The following SEMA3F variants were observed in gnomAD, a reference collection of about 807,000 sequenced individuals.
The protein encoded by SEMA3F is semaphorin-3F.
In SEMA3F, 30 loss-of-function variants were observed where a neutral mutation model predicts 98.5. The observed-to-expected ratio is 0.30, with a 90% CI of 0.23 to 0.41. SEMA3F has a LOEUF of 0.41. Among genes scored for constraint, SEMA3F ranks in the 10% least tolerant of loss-of-function variants. The pLI is 1.00. For missense variants in SEMA3F, 866 were observed against 1,119.3 expected (o/e 0.77, Z 3.23); for synonymous variants, 380 against 444.8 (o/e 0.85, Z 1.83).
chr3:50,179,595 G>T (rs1210008423), intron 7 of SEMA3F, among the ~76,000 whole-genome samples: 5 of 152,192 alleles, frequency 3.3e-5, no homozygotes, highest in African/African-American at 9.7e-5. Flanking sequence ...CAAAATGCTG[G>T]GATAAGAGGT....
intron 2 of SEMA3F, among the ~76,000 whole-genome samples, chr3:50,162,880 C>G (rs1698263816): frequency 6.6e-6 from 1 of 152,114 alleles, no homozygotes; most frequent in South Asian, 2.1e-4. Context: ...GTCACCCTGC[C>G]AGGGGAGGTC....
rs1575404125 is a variant in SEMA3F, at chr3:50,182,247, C to T, written c.644-37C>T. On this transcript the variant is annotated intron_variant, in intron 7 of 18. Coordinates refer to ENST00000002829, the MANE Select transcript of SEMA3F (RefSeq NM_004186.5). The surrounding 1 kb of genome is among the most constrained non-coding windows in gnomAD (Gnocchi z 4.5). The stretch of plus-strand genomic sequence containing the variant: ...TGAGCTGTGCCCTGGCCCTAGCAAA[C>T]AGCAGCCCCCCAACTGACCCACTGG... 4.3e-6 allele frequency: 7 copies of T among 1,613,868 alleles called. No individual in the cohort carries two copies. The East Asian group carries it at 6.7e-5, about 15-fold the overall frequency.
Position 50,173,790 on chromosome 3 carries a change from C to T in SEMA3F, c.113-3C>T. 1 of 1,613,760 alleles carries T rather than the reference C, an allele frequency of 6.2e-7. No homozygotes were observed. Among genetic ancestry groups the T allele is most frequent in the Admixed American group, 1.7e-5 (1 of 60,022 alleles). ...TAATTGGTGCCCTGCCCTCCACCCA[C>T]AGAGCTGAAGGCCACAGGCACCGCC... On this transcript the variant is annotated splice_region_variant and splice_polypyrimidine_tract_variant and intron_variant, in intron 2 of 18. Transcript: ENST00000002829.
chr3:50,155,685 G>C lies in SEMA3F; in HGVS notation c.-49+121G>C. 4.4e-6 allele frequency: 1 copy of C among 227,156 alleles called. No homozygotes were observed. The highest frequency in any genetic ancestry group is 8.5e-6 in the Non-Finnish European group (1 of 117,334). The allele number at this position is 227,156 out of a possible 1,614,324, so 14.1% of individuals were successfully genotyped here. A position where few individuals can be genotyped will look rare whatever the true frequency, so the allele number is the denominator to read the frequency against. On this transcript the variant is annotated intron_variant, in intron 1 of 18. Coordinates refer to ENST00000002829, the MANE Select transcript of SEMA3F (RefSeq NM_004186.5). This position sits in a 1 kb window ranked among gnomAD's most constrained non-coding sequence, Gnocchi z 4.9. The stretch of plus-strand genomic sequence containing the variant: ...CGGGGAGCGGGTCTCGTCGAGCCGG[G>C]GGGCTGCCCGCGGACATAGGGGCAA...
chr3:50,155,123 G>T (rs781682058), upstream of SEMA3F: 11 of 413,982 alleles, frequency 2.7e-5, no homozygotes, highest in Non-Finnish European at 3.6e-5. This position sits in a 1 kb window ranked among gnomAD's most constrained non-coding sequence, Gnocchi z 4.9. Flanking sequence ...GGTCCGGAGA[G>T]CCCCGAGCGC....
At position 50,156,623 on chromosome 3, in the gene SEMA3F, G is replaced by C. The variant is rs1321495320; in HGVS notation, c.-49+1059G>C. Reference sequence around the variant, plus strand: ...TCAGCCCAGGGAGTTGGATGGAGCTGAGGCCTCTTCCCAGGCTACCCAAGG... The same window carrying C: ...TCAGCCCAGGGAGTTGGATGGAGCTCAGGCCTCTTCCCAGGCTACCCAAGG... On this transcript the variant is annotated intron_variant, in intron 1 of 18. Transcript: ENST00000002829. The surrounding 1 kb of genome is among the most constrained non-coding windows in gnomAD (Gnocchi z 4.5). 1.3e-5 allele frequency among the ~76,000 whole-genome samples: 2 copies of C among 152,196 alleles called. No homozygotes were observed. Among genetic ancestry groups the C allele is most frequent in the Non-Finnish European group, 2.9e-5 (2 of 68,030 alleles).
intron 5 of SEMA3F, 97 bp downstream of exon 5, chr3:50,174,447 TC>T (rs1173375823): frequency 1.4e-6 from 2 of 1,444,856 alleles, no homozygotes; most frequent in Non-Finnish European, 1.9e-6. Context: ...CCCTGCCACT[TC>T]CGAGCCTTTT....
chr3:50,186,364 C>T lies in SEMA3F; in HGVS notation c.1813+16C>T. The T allele has an allele frequency of 6.2e-7, 1 of 1,611,872 alleles. No individual in the cohort carries two copies. Among genetic ancestry groups the T allele is most frequent in the Non-Finnish European group, 8.5e-7 (1 of 1,178,640 alleles). ...AACTCCAATGGTGAGTATGCTGGGC[C>T]TCACTGTGGGGTGCTGCTCACACTG... On this transcript the variant is annotated intron_variant, in intron 17 of 18. Transcript: ENST00000002829.
rs1697937069 is a variant in SEMA3F at position 50,155,473 on chromosome 3, C to A, written c.-140C>A. 9.7e-6 allele frequency: 3 copies of A among 307,920 alleles called. No homozygotes were observed. The highest frequency in any genetic ancestry group is 1.4e-4 in the South Asian group (1 of 7,000). The allele number at this position is 307,920 out of a possible 1,614,324, so 19.1% of individuals were successfully genotyped here. On this transcript the variant is annotated 5_prime_UTR_variant, in exon 1 of 19. Transcript: ENST00000002829. This position sits in a 1 kb window ranked among gnomAD's most constrained non-coding sequence, Gnocchi z 4.9. ...GAGAGGTCGCGGGCAGGGCCATGGC[C>A]CCGGGGGGCCGCTAGCGCGGACCGG... is the stretch of plus-strand genomic sequence containing the variant.
Position 50,183,509 on chromosome 3 carries a change from C to T in SEMA3F, c.1178C>T (p.Pro393Leu). 4 of 1,614,082 alleles carry T rather than the reference C, an allele frequency of 2.5e-6. No individual in the cohort carries two copies. Among genetic ancestry groups the T allele is most frequent in the Non-Finnish European group, 3.4e-6 (4 of 1,180,028 alleles). The change falls in exon 12 of 19, where the codon CCC becomes CTC. Residue 393 changes from proline (P) to leucine (L), a missense_variant. Transcript: ENST00000002829. ...GGGCCCTTTGCCCACAAAGAGGGGC[C>T]CAACTACCAGTGGATGCCCTTCTCA... ...FNGPFAHKEG[P>L]NYQWMPFSGK...
intron 6 of SEMA3F, 108 bp from the exon 7 acceptor site, chr3:50,176,660 C>A: frequency 1.3e-6 from 1 of 790,736 alleles, no homozygotes; most frequent in Non-Finnish European, 2.2e-6. Flanking sequence ...AGGGGGTGGG[C>A]TCGGGGTATG....
Position 50,175,117 on chromosome 3 carries a change from C to G in SEMA3F, c.478C>G (p.Gln160Glu). 1.2e-6 allele frequency: 2 copies of G among 1,611,676 alleles called. No homozygotes were observed. Among genetic ancestry groups the G allele is most frequent in the Non-Finnish European group, 1.7e-6 (2 of 1,179,210 alleles). The part of the protein sequence containing the change: ...RAQATPWTQT[Q>E]AVRGRGSRAT... ...TCAGGCCACACCATGGACCCAGACT[C>G]AGGCGGTCAGAGGCCGCGGCAGCAG... Residue 160 changes from glutamine (Q) to glutamate (E), a missense_variant, in exon 6 of 19, where the codon CAG (glutamine) becomes GAG (glutamate). By Grantham distance (29) the Gln-to-Glu change is conservative. This residue lies in a region of SEMA3F where 247 missense variants were observed against 276.0 expected (regional missense o/e 0.89). Transcript: ENST00000002829.
At chr3:50,162,519 T>A (rs569142563) in intron 2 of SEMA3F, among the ~76,000 whole-genome samples, 1 of 152,310 alleles carries the variant, frequency 6.6e-6, no homozygotes, top group East Asian at 1.9e-4. Context: ...CCCTCCTTCC[T>A]TCACCCATCC....
In SEMA3F at chr3:50,166,844, G is replaced by A. The variant is rs1329191615; in HGVS notation, c.113-6949G>A. Among the ~76,000 whole-genome samples, 2 of 151,908 alleles carry A rather than the reference G, an allele frequency of 1.3e-5. No individual in the cohort carries two copies. The highest frequency in any genetic ancestry group is 4.9e-5 in the African/African-American group (2 of 41,228). ...GTTTGTTGTCTTTTGCAGTCATGGG[G>A]AGGAGGAGGTGGTGGAGGAAGGAGT... On this transcript the variant is annotated intron_variant, in intron 2 of 18. Coordinates refer to ENST00000002829, the MANE Select transcript of SEMA3F (RefSeq NM_004186.5). This position sits in a 1 kb window ranked among gnomAD's most constrained non-coding sequence, Gnocchi z 4.7.
Position 50,159,564 on chromosome 3 carries a change from C to A in SEMA3F, c.-48-11C>A. 2 of 1,042,818 alleles carry A rather than the reference C, an allele frequency of 1.9e-6. No homozygotes were observed. The highest frequency in any genetic ancestry group is 2.9e-6 in the Non-Finnish European group (2 of 690,144). The allele number at this position is 1,042,818 out of a possible 1,614,324, so 64.6% of individuals were successfully genotyped here. ...TGCCTCACACATTCCAATCTTGGTT[C>A]CCCTTCCCAGGTTTCTAGAGAGTGG... is the stretch of plus-strand genomic sequence containing the variant. On this transcript the variant is annotated splice_polypyrimidine_tract_variant and intron_variant, in intron 1 of 18. Coordinates refer to ENST00000002829, the MANE Select transcript of SEMA3F (RefSeq NM_004186.5).
chr3:50,161,978 C>CGTG (rs1698225742), intron 2 of SEMA3F, among the ~76,000 whole-genome samples: 4 of 152,194 alleles, frequency 2.6e-5, no homozygotes, highest in Admixed American at 2.6e-4. Flanking sequence ...CCAGAGTACA[C>CGTG]GTGGGTGGCA....
At chr3:50,169,444 C>G (rs557617893) in intron 2 of SEMA3F, among the ~76,000 whole-genome samples, 3 of 152,302 alleles carry the variant, frequency 2.0e-5, no homozygotes, top group Admixed American at 1.3e-4. Flanking sequence ...AATGAGGTGT[C>G]TGATGCCAGA....
chr3:50,183,299 T>C (rs1221408818), intron 11 of SEMA3F, 44 bp downstream of exon 11: 5 of 1,608,066 alleles, frequency 3.1e-6, no homozygotes, highest in Admixed American at 1.7e-5. Flanking sequence ...AGTGGCCCCG[T>C]TGGGGGATTG....
chr3:50,162,014 T>C (rs575916331), intron 2 of SEMA3F, among the ~76,000 whole-genome samples: 3 of 152,338 alleles, frequency 2.0e-5, no homozygotes, highest in African/African-American at 7.2e-5. Flanking sequence ...TCAGAAGCAC[T>C]GCTGGTCACT....
Sources: allele counts gnomAD v4.1 joint callset (sites outside exome capture counted in the v4.1 genomes callset), GRCh38; gene constraint gnomAD v4.1.1; regional missense constraint gnomAD v4.1.1; non-coding constraint Gnocchi (gnomAD v3.1); transcripts MANE v1.5; gene names NCBI Gene and HGNC (gene_info 2026-07-23, HGNC 2026-07-21).